The following CFTR variants were observed in gnomAD, a reference collection of about 807,000 sequenced individuals.
The protein encoded by CFTR is cystic fibrosis transmembrane conductance regulator.
CFTR carries 181 observed loss-of-function variants against 171.6 expected under a neutral mutation model. The observed-to-expected ratio is 1.05, with a 90% confidence interval of 0.93 to 1.19. The LOEUF (loss-of-function observed/expected upper bound fraction) is 1.19. CFTR is among the 50% of genes most tolerant of loss of function. The probability of loss-of-function intolerance (pLI) is 0.00; values close to 1 mark genes in which losing one functional copy is unlikely to be tolerated. For synonymous variants in CFTR, 583 were observed against 608.0 expected (o/e 0.96, Z 0.60); for missense variants, 1,968 against 1,734.7 (o/e 1.13, Z -2.39).
chr7:117,501,772 G>GAAACAAAAAAAAAAAAAAAAAAAAAAAA (rs1798333010), intron 1 of CFTR, among the ~76,000 whole-genome samples: 7 of 73,546 alleles, frequency 9.5e-5, no homozygotes, highest in South Asian at 4.5e-4. Context: ...AAAAAAAAAA[G>GAAACAAAAAAAAAAAAAAAAAAAAAAAA]AAACAAAAAA....
chr7:117,485,845 T>C, intron 1 of CFTR, among the ~76,000 whole-genome samples: 1 of 152,200 alleles, frequency 6.6e-6, no homozygotes, highest in Non-Finnish European at 1.5e-5. Flanking sequence ...TTTTCTAATT[T>C]GTTTAGTATG....
chr7:117,586,325 C>G (rs1350341694), intron 11 of CFTR: 1 of 152,118 alleles, frequency 6.6e-6, no homozygotes, highest in Non-Finnish European at 1.5e-5. Context: ...AACGACCTCT[C>G]TATATTTTAC....
At position 117,592,199 on chromosome 7, in the gene CFTR, T is replaced by C; in HGVS notation, c.2032T>C (p.Ser678Pro). The stretch of plus-strand genomic sequence containing the variant: ...CTCATTAGAAGGAGATGCTCCTGTC[T>C]CCTGGACAGAAACAAAAAAACAATC... Reference protein sequence around the residue: ...RFSLEGDAPVSWTETKKQSFK... With the variant: ...RFSLEGDAPVPWTETKKQSFK... Residue 678 changes from serine (S) to proline (P), a missense_variant, in exon 14 of 27, where the codon TCC becomes CCC. Coordinates refer to ENST00000003084, the MANE Select transcript of CFTR (RefSeq NM_000492.4). The C allele has an allele frequency of 3.7e-6, 6 of 1,613,926 alleles. No homozygotes were observed. Among genetic ancestry groups the C allele is most frequent in the Non-Finnish European group, 5.1e-6 (6 of 1,180,016 alleles).
At chr7:117,555,128 C>A (rs889740871) in intron 10 of CFTR, among the ~76,000 whole-genome samples, 3 of 150,840 alleles carry the variant, frequency 2.0e-5, no homozygotes, top group Non-Finnish European at 3.0e-5. Flanking sequence ...CTAGAAATAC[C>A]GAGAAAATTA....
chr7:117,502,765 A>C (rs1029311175), intron 1 of CFTR, among the ~76,000 whole-genome samples: 3 of 152,234 alleles, frequency 2.0e-5, no homozygotes, highest in Non-Finnish European at 4.4e-5. Flanking sequence ...CTGGGCAATG[A>C]AGGGTAAACC....
At chr7:117,589,459 C>T (rs1791994761) in intron 12 of CFTR, among the ~76,000 whole-genome samples, 1 of 151,858 alleles carries the variant, frequency 6.6e-6, no homozygotes, top group Non-Finnish European at 1.5e-5. Context: ...ATCCTATGTA[C>T]TTGAGATATA....
At chr7:117,634,938 AGG>A (rs1249545032) in intron 22 of CFTR, among the ~76,000 whole-genome samples, 1 of 152,100 alleles carries the variant, frequency 6.6e-6, no homozygotes, top group Non-Finnish European at 1.5e-5. Flanking sequence ...TATTTGAATG[AGG>A]TAGTCTATAG....
intron 23 of CFTR, 134 bp downstream of exon 23, chr7:117,642,727 G>T: frequency 1.0e-6 from 1 of 955,278 alleles, no homozygotes; most frequent in South Asian, 1.5e-5. Flanking sequence ...TTTCTCCAGT[G>T]CAGTTTTCTC....
At chr7:117,609,628 A>G (rs949153909) in intron 18 of CFTR, among the ~76,000 whole-genome samples, 1 of 152,204 alleles carries the variant, frequency 6.6e-6, no homozygotes, top group African/African-American at 2.4e-5. Context: ...CCGAAAGGTT[A>G]GATAGCTTGC....
At chr7:117,561,806 T>A (rs1024306686) in intron 11 of CFTR, among the ~76,000 whole-genome samples, 8 of 152,104 alleles carry the variant, frequency 5.3e-5, no homozygotes, top group African/African-American at 1.9e-4. Flanking sequence ...AGGAGTAAAA[T>A]GAGGTAGCAT....
chr7:117,597,549 C>G (rs200658244), intron 15 of CFTR, among the ~76,000 whole-genome samples: 1 of 152,186 alleles, frequency 6.6e-6, no homozygotes, highest in East Asian at 1.9e-4. Flanking sequence ...TGTGCCACCA[C>G]CAATAAGCAA....
At chr7:117,647,646 G>C (rs1793014325) in intron 23 of CFTR, among the ~76,000 whole-genome samples, 1 of 148,880 alleles carries the variant, frequency 6.7e-6, no homozygotes, top group Non-Finnish European at 1.5e-5. Flanking sequence ...TTTGGGCAGA[G>C]ACACAGATCC....
In CFTR at chr7:117,642,467, G is replaced by A. The variant is rs794727373; in HGVS notation, c.3747G>A (p.Gly1249=). The A allele has an allele frequency of 2.5e-6, 4 of 1,613,550 alleles. No individual in the cohort carries two copies. The African/African-American group carries it at 5.3e-5, about 22-fold the overall frequency. ...GCCTCTTGGGAAGAACTGGATCAGG[G>A]AAGAGTACTTTGTTATCAGCTTTTT... ...RVGLLGRTGS[G]KSTLLSAFLR... Residue 1249 remains glycine (G), a synonymous_variant, in exon 23 of 27, where the codon GGG becomes GGA. Transcript: ENST00000003084.
At chr7:117,563,583 CAGGT>C (rs1791551242) in intron 11 of CFTR, among the ~76,000 whole-genome samples, 1 of 151,860 alleles carries the variant, frequency 6.6e-6, no homozygotes, top group Non-Finnish European at 1.5e-5. Flanking sequence ...GGAGGGAAGA[CAGGT>C]AGAAATGCTA....
At chr7:117,665,926 G>A (rs1285693205) in intron 26 of CFTR, among the ~76,000 whole-genome samples, 1 of 152,200 alleles carries the variant, frequency 6.6e-6, no homozygotes, top group Non-Finnish European at 1.5e-5. Context: ...TCCCATGGAT[G>A]TGGTCTGGGA....
At chr7:117,554,094 A>G (rs1799313614) in intron 10 of CFTR, among the ~76,000 whole-genome samples, 1 of 152,180 alleles carries the variant, frequency 6.6e-6, no homozygotes, top group South Asian at 2.1e-4. Flanking sequence ...GGGTGAGATT[A>G]GAGGCCACTG....
At chr7:117,530,877 C>A (rs1798847639) in intron 3 of CFTR, 22 bp from the exon 4 acceptor site, 7 of 1,469,862 alleles carry the variant, frequency 4.8e-6, no homozygotes, top group East Asian at 4.5e-5. Context: ...AATTTAATTT[C>A]TCTGTTTTTC....
chr7:117,534,182 T>G, intron 4 of CFTR, 94 bp from the exon 5 acceptor site: 1 of 676,978 alleles, frequency 1.5e-6, no homozygotes, highest in Non-Finnish European at 2.7e-6. Context: ...TAATAATGAA[T>G]GCATAATAAC....
chr7:117,560,480 T>A lies in CFTR; in HGVS notation c.1584+825T>A, dbSNP rs1435862244. Among the ~76,000 whole-genome samples, 6 of 152,072 alleles carry A rather than the reference T, an allele frequency of 3.9e-5. No homozygotes were observed. In the South Asian group the frequency reaches 1.2e-3, roughly 31 times the overall value. ...TGGCATTTGCAATTCCTTTATATAA[T>A]CTTTTATGAAAAAAATTGCAGAGAA... is the stretch of plus-strand genomic sequence containing the variant. On this transcript the variant is annotated intron_variant, in intron 11 of 26. Transcript: ENST00000003084.
Sources: gnomAD v4.1 joint callset for allele counts (sites outside exome capture counted in the v4.1 genomes callset) on GRCh38, gnomAD v4.1.1 for gene constraint, MANE v1.5 for transcripts, NCBI Gene and HGNC (gene_info 2026-07-23, HGNC 2026-07-21) for gene names.